TMEM63C: variants seen among roughly 807,000 people sequenced by gnomAD.
TMEM63C encodes the protein osmosensitive cation channel TMEM63C.
Under a neutral mutation model 99.2 loss-of-function variants are expected in TMEM63C, and 32 were observed. That is an observed-to-expected ratio of 0.32 (90% confidence interval 0.24 to 0.43). The LOEUF is 0.43. TMEM63C is among the 20% of genes least tolerant of loss of function. The pLI is 1.00. For missense variants in TMEM63C, 826 were observed against 1,053.0 expected (o/e 0.78, Z 2.98); for synonymous variants, 376 against 397.9 (o/e 0.94, Z 0.66).
In TMEM63C at chr14:77,244,653, G is replaced by A. The variant is rs560858473; in HGVS notation, c.1448+198G>A. Among the ~76,000 whole-genome samples, 32 of 152,318 alleles carry A rather than the reference G, an allele frequency of 2.1e-4. No homozygotes were observed. The East Asian group carries it at 6.2e-3, about 29-fold the overall frequency. On this transcript the variant is annotated intron_variant, in intron 16 of 23. Transcript: ENST00000298351. ...TGGAAGGAGGGTCTGGGTTGACTCT[G>A]GGCCCCTGGGTTGCTGAGATAGAGC... is the stretch of plus-strand genomic sequence containing the variant.
chr14:77,219,835 G>A (rs1424619420), intron 4 of TMEM63C, among the ~76,000 whole-genome samples, 171 bp from the exon 5 acceptor site: 1 of 152,190 alleles, frequency 6.6e-6, no homozygotes, highest in Non-Finnish European at 1.5e-5. Flanking sequence ...CCTGGCACAG[G>A]GGCGATTGCT....
chr14:77,256,487 C>T (rs776602430), intron 23 of TMEM63C, 39 bp from the exon 24 acceptor site: 48 of 1,606,286 alleles, frequency 3.0e-5, no homozygotes, highest in Admixed American at 1.5e-4. Context: ...TTGCCCCCAA[C>T]GTGACCTTGC....
chr14:77,221,411 TCTCCC>T (rs1261505129), intron 5 of TMEM63C, among the ~76,000 whole-genome samples: 2 of 28,574 alleles, frequency 7.0e-5, no homozygotes, highest in South Asian at 1.9e-3. Flanking sequence ...TCATGCCTCC[TCTCCC>T]ACTCACGCCT....
At chr14:77,234,011 G>A (rs1297359488) in intron 8 of TMEM63C, among the ~76,000 whole-genome samples, 1 of 152,132 alleles carries the variant, frequency 6.6e-6, no homozygotes, top group Non-Finnish European at 1.5e-5. Context: ...CCATCATTGG[G>A]GAAGAGCTGG....
chr14:77,231,233 G>C (rs74061149), intron 6 of TMEM63C, among the ~76,000 whole-genome samples: 1,977 of 152,284 alleles, frequency 0.013, 34 homozygotes, highest in African/African-American at 0.045. Context: ...TACCACAAGT[G>C]CTTTATCTGG....
chr14:77,228,355 A>G (rs1436558379), intron 6 of TMEM63C, among the ~76,000 whole-genome samples: 1 of 151,890 alleles, frequency 6.6e-6, no homozygotes, highest in Non-Finnish European at 1.5e-5. Context: ...AGGCAGTGCA[A>G]GAGGACCTTC....
At chr14:77,233,658 T>A (rs761720272) in intron 8 of TMEM63C, among the ~76,000 whole-genome samples, 158 bp downstream of exon 8, 8 of 151,866 alleles carry the variant, frequency 5.3e-5, no homozygotes, top group Non-Finnish European at 1.2e-4. Flanking sequence ...AGAAGCTGCA[T>A]CCTCTTGGTG....
At chr14:77,188,834 A>G (rs970422012) in intron 1 of TMEM63C, among the ~76,000 whole-genome samples, 1 of 139,330 alleles carries the variant, frequency 7.2e-6, no homozygotes, top group Non-Finnish European at 1.5e-5. Context: ...CCACTGCACT[A>G]TAGCCTGGGC....
intron 6 of TMEM63C, among the ~76,000 whole-genome samples, chr14:77,226,767 ATTTTT>A (rs10709163): frequency 1.5e-5 from 2 of 129,490 alleles, no homozygotes; most frequent in African/African-American, 2.8e-5. Flanking sequence ...ATCAGTTGGG[ATTTTT>A]TTTTTTTTTT....
intron 1 of TMEM63C, among the ~76,000 whole-genome samples, chr14:77,194,550 TTTC>T (rs1339668449): frequency 6.1e-4 from 11 of 18,058 alleles, no homozygotes; most frequent in East Asian, 1.2e-3. Flanking sequence ...TCTTTCTTTC[TTTC>T]TCTTTCTTTC....
chr14:77,215,614 A>AAGAAAAG (rs1555347250), intron 2 of TMEM63C, among the ~76,000 whole-genome samples: 4 of 76,528 alleles, frequency 5.2e-5, no homozygotes, highest in African/African-American at 1.7e-4. Flanking sequence ...AAAAAAAAAA[A>AAGAAAAG]AAAAGAAAAG....
At position 77,202,757 on chromosome 14, in the gene TMEM63C, G is replaced by A. The variant is rs79794709; in HGVS notation, c.-76-10689G>A. Among the ~76,000 whole-genome samples the A allele has an allele frequency of 6.2e-4, 94 of 152,028 alleles. 2 individuals are homozygous for A. In the East Asian group the frequency reaches 0.018, roughly 29 times the overall value. On this transcript the variant is annotated intron_variant, in intron 1 of 23. Coordinates refer to ENST00000298351, the MANE Select transcript of TMEM63C (RefSeq NM_020431.4). ...GCTTCCACGTGGACATGCATTTTGG[G>A]AGGATACTGTTCAACCCAGTAGCGC...
chr14:77,232,634 C>A (rs755855677), intron 7 of TMEM63C, among the ~76,000 whole-genome samples: 11 of 152,210 alleles, frequency 7.2e-5, no homozygotes, highest in Non-Finnish European at 1.3e-4. Flanking sequence ...GTCTCCCGAG[C>A]TTTACTTTCC....
chr14:77,243,747 C>T (rs186140223), intron 15 of TMEM63C, among the ~76,000 whole-genome samples: 10 of 152,292 alleles, frequency 6.6e-5, no homozygotes, highest in Admixed American at 2.6e-4. Context: ...TCATTTCCAA[C>T]AACACACATG....
At position 77,233,554 on chromosome 14, in the gene TMEM63C, G is replaced by C. The variant is rs2140119898; in HGVS notation, c.542+54G>C. The C allele has an allele frequency of 1.9e-6, 3 of 1,587,468 alleles. No homozygotes were observed. In the East Asian group the frequency reaches 6.7e-5, roughly 36 times the overall value. ...CATTGGCTGGGGGTGTTGGTGTGGAGAGGAGGTCTAACATGTCAGTTTGCA... is the reference window on the plus strand; with the variant it reads ...CATTGGCTGGGGGTGTTGGTGTGGACAGGAGGTCTAACATGTCAGTTTGCA... On this transcript the variant is annotated intron_variant, in intron 8 of 23. Coordinates refer to ENST00000298351, the MANE Select transcript of TMEM63C (RefSeq NM_020431.4).
rs561349684 is a variant in TMEM63C, at chr14:77,224,235, G to A, written c.313-1189G>A. On this transcript the variant is annotated intron_variant, in intron 5 of 23. Transcript: ENST00000298351. ...CTATTTCTTTTGTGCCTTCTCAAAA[G>A]GAAGCAACGAGGACAGGCAAAAAAG... 3.9e-5 allele frequency among the ~76,000 whole-genome samples: 6 copies of A among 152,086 alleles called. No individual in the cohort carries two copies. In the East Asian group the frequency reaches 1.2e-3, roughly 30 times the overall value.
chr14:77,198,658 C>T (rs1888248249), intron 1 of TMEM63C, among the ~76,000 whole-genome samples: 1 of 152,188 alleles, frequency 6.6e-6, no homozygotes, highest in African/African-American at 2.4e-5. Flanking sequence ...GGGAAATTGT[C>T]CTCGCCTGGC....
intron 1 of TMEM63C, among the ~76,000 whole-genome samples, chr14:77,187,145 C>T (rs547541935): frequency 6.6e-6 from 1 of 151,876 alleles, no homozygotes; most frequent in South Asian, 2.1e-4. Flanking sequence ...GCTGCAACCA[C>T]ACTCACACAC....
At chr14:77,227,211 A>G (rs1888843624) in intron 6 of TMEM63C, among the ~76,000 whole-genome samples, 1 of 152,200 alleles carries the variant, frequency 6.6e-6, no homozygotes. Flanking sequence ...CATTAGAGAA[A>G]GTCCAAAGTC....
Sources: allele counts gnomAD v4.1 joint callset (sites outside exome capture counted in the v4.1 genomes callset), GRCh38; gene constraint gnomAD v4.1.1; transcripts MANE v1.5; gene names NCBI Gene and HGNC (gene_info 2026-07-23, HGNC 2026-07-21).